The following BTG4 variants were observed in gnomAD, a reference collection of about 807,000 sequenced individuals.
BTG4 encodes protein BTG4.
BTG4 carries 10 observed loss-of-function variants against 19.3 expected under a neutral mutation model. That is an observed-to-expected ratio of 0.52 (90% confidence interval 0.32 to 0.88). The LOEUF is 0.88. Ranked by LOEUF, BTG4 falls within the 40% of genes least tolerant of loss-of-function variation. The probability of loss-of-function intolerance (pLI) is 0.04; values close to 1 mark genes in which losing one functional copy is unlikely to be tolerated. For synonymous variants in BTG4, 91 were observed against 95.7 expected, an observed-to-expected ratio of 0.95 and a Z score of 0.29; for missense variants, 238 against 281.9, an observed-to-expected ratio of 0.84 and a Z score of 1.11.
the BTG4 span, chr11:111,454,331 G>A: frequency 1.8e-5 from 8 of 455,680 alleles, no homozygotes; most frequent in African/African-American, 6.0e-5. Flanking sequence ...GTCAGTGACA[G>A]CCAAACTCAG....
chr11:111,403,446 T>C, the BTG4 span, among the ~76,000 whole-genome samples: 2 of 152,232 alleles, frequency 1.3e-5, no homozygotes, highest in Non-Finnish European at 2.9e-5. Context: ...TTTACCTGCA[T>C]TGTGGGACAA....
the BTG4 span, among the ~76,000 whole-genome samples, chr11:111,448,923 G>T: frequency 1.6e-4 from 25 of 152,026 alleles, no homozygotes; most frequent in African/African-American, 5.3e-4. Flanking sequence ...AATTTAACTG[G>T]GTGACCTGTG....
In BTG4 at chr11:111,498,646, C is replaced by A. The variant is rs940417438; in HGVS notation, c.131G>T (p.Ser44Ile). ...LMTILFETYR[S>I]HWHSDCPSKG... ...AGAAGGGCAATCAGAGTGCCAGTGA[C>A]TTCTGTATGTTTCAAACAAGATCGT... The change falls in exon 2 of 5, where the codon AGT becomes ATT. Residue 44 changes from serine to isoleucine, a missense_variant. Ser to Ile is a moderately radical substitution (Grantham distance 142). Transcript: ENST00000692032. 12 of 1,613,912 alleles carry A rather than the reference C, an allele frequency of 7.4e-6. No homozygotes were observed. Among genetic ancestry groups the A allele is most frequent in the Non-Finnish European group, 9.3e-6 (11 of 1,179,974 alleles).
chr11:111,480,020 A>G (rs2135568493), intron 5 of BTG4, among the ~76,000 whole-genome samples: 1 of 152,238 alleles, frequency 6.6e-6, no homozygotes, highest in Middle Eastern at 3.4e-3. Flanking sequence ...AAATGCAAAT[A>G]GTCTAGAAAC....
At chr11:111,512,928 C>T (rs1211885447), upstream of BTG4, 2 of 445,668 alleles carry the variant, frequency 4.5e-6, no homozygotes, top group Admixed American at 5.1e-5. Flanking sequence ...GCTGCAGCCG[C>T]GGGTGCCCGG....
At chr11:111,398,900 T>C in the BTG4 span, among the ~76,000 whole-genome samples, 2 of 152,176 alleles carry the variant, frequency 1.3e-5, no homozygotes, top group Non-Finnish European at 2.9e-5. Flanking sequence ...TTTATCCCTA[T>C]TTAAAAGCAA....
rs115364848 is a variant in BTG4 at position 111,511,789 on chromosome 11, A to G, written c.-27+392T>C. ...CCTGAATATCCAAATGTACTCGTGC[A>G]TCAAGGATCTACTCAAGTCTCACCT... On this transcript the variant is annotated intron_variant, in intron 1 of 4. Transcript: ENST00000692032. Among the ~76,000 whole-genome samples, 529 of 152,346 alleles carry G rather than the reference A, an allele frequency of 3.5e-3. 2 individuals carry two copies. The highest frequency in any genetic ancestry group is 0.012 in the African/African-American group (497 of 41,572).
chr11:111,412,300 A>G, the BTG4 span, among the ~76,000 whole-genome samples: 2 of 152,208 alleles, frequency 1.3e-5, no homozygotes, highest in African/African-American at 2.4e-5. Flanking sequence ...TTTCATTTCA[A>G]TCCATCTTGG....
chr11:111,415,615 C>T, the BTG4 span, among the ~76,000 whole-genome samples: 1 of 152,108 alleles, frequency 6.6e-6, no homozygotes, highest in African/African-American at 2.4e-5. Flanking sequence ...TGGCCTTTCC[C>T]AATGGTGAGC....
At chr11:111,420,953 T>C in the BTG4 span, among the ~76,000 whole-genome samples, 140,213 of 152,290 alleles carry the variant, frequency 0.92, 64,897 homozygotes, top group East Asian at 1. Flanking sequence ...AGAAGGCTCC[T>C]TTGGGAAAGG....
chr11:111,477,600 G>C (rs1864470782), intron 5 of BTG4, among the ~76,000 whole-genome samples: 1 of 152,100 alleles, frequency 6.6e-6, no homozygotes, highest in Non-Finnish European at 1.5e-5. Flanking sequence ...ATAAGACTCT[G>C]AAAGGTGTAG....
At chr11:111,410,283 T>C in the BTG4 span, among the ~76,000 whole-genome samples, 1 of 152,180 alleles carries the variant, frequency 6.6e-6, no homozygotes, top group South Asian at 2.1e-4. Context: ...TTTTAATTTT[T>C]TGTAGAGACA....
intron 1 of BTG4, among the ~76,000 whole-genome samples, chr11:111,505,985 T>C (rs991139001): frequency 6.6e-6 from 1 of 151,950 alleles, no homozygotes; most frequent in Non-Finnish European, 1.5e-5. Context: ...CAGATATTGG[T>C]GTGTATGCAG....
chr11:111,512,746 C>A (rs1443090154), upstream of BTG4, among the ~76,000 whole-genome samples: 1 of 152,070 alleles, frequency 6.6e-6, no homozygotes, highest in East Asian at 1.9e-4. Context: ...CCCGGCAGCG[C>A]CGCCCGCTGG....
chr11:111,386,765 C>T, the BTG4 span, among the ~76,000 whole-genome samples: 3 of 152,282 alleles, frequency 2.0e-5, no homozygotes, highest in Admixed American at 6.5e-5. Context: ...AAGGGTAATC[C>T]ACAGGTAAAA....
the BTG4 span, chr11:111,455,665 T>C: frequency 2.7e-6 from 1 of 370,836 alleles, no homozygotes; most frequent in African/African-American, 2.1e-5. Flanking sequence ...AGACATGAAA[T>C]GGGGAGGAGA....
At chr11:111,456,561 C>A in the BTG4 span, 1 of 456,480 alleles carries the variant, frequency 2.2e-6, no homozygotes, top group Admixed American at 2.3e-5. This position sits in a 1 kb window ranked among gnomAD's most constrained non-coding sequence, Gnocchi z 4.2. Context: ...TGAACCCCGT[C>A]ACCAAGTTGA....
chr11:111,487,246 T>C (rs1865123709), intron 5 of BTG4, among the ~76,000 whole-genome samples: 1 of 152,340 alleles, frequency 6.6e-6, no homozygotes, highest in Admixed American at 6.5e-5. Context: ...GTTGGCTCCA[T>C]GTCTTTGCCA....
downstream of BTG4, among the ~76,000 whole-genome samples, chr11:111,464,031 C>T (rs955873534): frequency 6.6e-6 from 1 of 152,202 alleles, no homozygotes; most frequent in Non-Finnish European, 1.5e-5. Flanking sequence ...GAGTCTCTCT[C>T]TGTTGCCCAG....
Sources: gnomAD v4.1 joint callset for allele counts (sites outside exome capture counted in the v4.1 genomes callset) on GRCh38, gnomAD v4.1.1 for gene constraint, Gnocchi (gnomAD v3.1) non-coding constraint, MANE v1.5 for transcripts, NCBI Gene and HGNC (gene_info 2026-07-23, HGNC 2026-07-21) for gene names.